The following SDK2 variants were observed in gnomAD, a reference collection of about 807,000 sequenced individuals.
SDK2 encodes the protein protein sidekick-2.
In SDK2, 105 loss-of-function variants were observed where a neutral mutation model predicts 253.9. That is an observed-to-expected ratio of 0.41 (90% CI 0.35 to 0.49). The LOEUF is 0.49. Among genes scored for constraint, SDK2 ranks in the 20% least tolerant of loss-of-function variants. The pLI is 0.06. For synonymous variants in SDK2, 1,249 were observed against 1,234.9 expected, an observed-to-expected ratio of 1.01 and a Z score of -0.24; for missense variants, 2,608 against 3,003.0, an observed-to-expected ratio of 0.87 and a Z score of 3.07.
intron 40 of SDK2, 150 bp downstream of exon 40, chr17:73,357,929 C>T (rs2062605780): frequency 2.4e-6 from 3 of 1,225,634 alleles, no homozygotes; most frequent in Non-Finnish European, 3.6e-6. Context: ...AACCCAGTTT[C>T]CCACTCCTCA....
chr17:73,635,337 C>G (rs888695317), intron 1 of SDK2, among the ~76,000 whole-genome samples: 2 of 152,150 alleles, frequency 1.3e-5, no homozygotes, highest in African/African-American at 4.8e-5. Context: ...GCCCCTGCTG[C>G]CACTTTCTGC....
intron 44 of SDK2, among the ~76,000 whole-genome samples, chr17:73,347,666 C>T (rs1042067152): frequency 7.2e-5 from 11 of 152,148 alleles, no homozygotes; most frequent in Admixed American, 3.3e-4. Context: ...AGGTCCAGGG[C>T]GTGGGATGCA....
rs1193505770 is a variant in SDK2, at chr17:73,435,106, A to C, written c.1195+344T>G. On this transcript the variant is annotated intron_variant, in intron 9 of 44. Coordinates refer to ENST00000392650, the MANE Select transcript of SDK2 (RefSeq NM_001144952.2). The surrounding 1 kb of genome is among the most constrained non-coding windows in gnomAD (Gnocchi z 5.7). ...AGGTCTTCTGGAATGGGGTTACTCC[A>C]GCCCTGCCTGGGAACCCAGGGATAG... Among the ~76,000 whole-genome samples, 1 of 152,182 alleles carries C rather than the reference A, an allele frequency of 6.6e-6. No homozygotes were observed. The highest frequency in any genetic ancestry group is 1.5e-5 in the Non-Finnish European group (1 of 68,024).
Position 73,352,552 on chromosome 17 carries a change from G to A in SDK2, c.5679C>T (p.Gly1893=), listed in dbSNP as rs573974183. The change falls in exon 41 of 45, where the codon GGC becomes GGT. Residue 1893 remains glycine, a synonymous_variant. Coordinates refer to ENST00000392650, the MANE Select transcript of SDK2 (RefSeq NM_001144952.2). This position sits in a 1 kb window ranked among gnomAD's most constrained non-coding sequence, Gnocchi z 4.1. ...YTFSMDILKP[G]VSYDFRVIAV... ...CGATGACCCGGAAGTCATAGCTCAC[G>A]CCCGGCTTCAGGATGTCCATGCTGA... 4.3e-6 allele frequency: 7 copies of A among 1,613,910 alleles called. No individual in the cohort carries two copies. Among genetic ancestry groups the A allele is most frequent in the East Asian group, 2.2e-5 (1 of 44,894 alleles).
At chr17:73,405,097 C>T (rs969942504) in intron 18 of SDK2, among the ~76,000 whole-genome samples, 4 of 126,818 alleles carry the variant, frequency 3.2e-5, no homozygotes, top group African/African-American at 1.2e-4. Context: ...CAGTACTCTA[C>T]AGGGTTGAAG....
intron 1 of SDK2, among the ~76,000 whole-genome samples, chr17:73,583,802 G>T (rs1050977537): frequency 2.0e-5 from 3 of 152,196 alleles, no homozygotes. Context: ...TCCAGATGAA[G>T]GGTCCAGGGG....
At chr17:73,444,850 G>T (rs58107018) in intron 5 of SDK2, among the ~76,000 whole-genome samples, 5,119 of 152,254 alleles carry the variant, frequency 0.034, 309 homozygotes, top group African/African-American at 0.12. Context: ...TTCTCCAGCT[G>T]CCCAGGAGCC....
chr17:73,474,733 T>A (rs2063674115), intron 2 of SDK2, among the ~76,000 whole-genome samples: 1 of 152,090 alleles, frequency 6.6e-6, no homozygotes, highest in African/African-American at 2.4e-5. Flanking sequence ...GGGAGGCCAC[T>A]GTGGGGGAAC....
chr17:73,454,614 G>T (rs1313032264), intron 4 of SDK2, among the ~76,000 whole-genome samples: 1 of 151,846 alleles, frequency 6.6e-6, no homozygotes, highest in Non-Finnish European at 1.5e-5. Flanking sequence ...TGTCCGGAAA[G>T]AGAGGGGATG....
chr17:73,479,494 A>G (rs2063708230), intron 2 of SDK2, among the ~76,000 whole-genome samples: 2 of 152,258 alleles, frequency 1.3e-5, no homozygotes, highest in Non-Finnish European at 2.9e-5. Context: ...GCTTTTGCAA[A>G]GATTCTTCAG....
At position 73,339,216 on chromosome 17, in the gene SDK2, T is replaced by TTTTTTG. The variant is rs1568356172; in HGVS notation, c.6166-277_6166-276insCAAAAA. On this transcript the variant is annotated intron_variant, in intron 44 of 44. Transcript: ENST00000392650. ...CTGATAGAATCAGAAGACCTGAGTT[T>TTTTTTG]TTTTTTGTTTTTGTTTTTGTTTTTT... Among the ~76,000 whole-genome samples the TTTTTTG allele has an allele frequency of 9.5e-5, 14 of 148,066 alleles. 2 individuals carry two copies. Among genetic ancestry groups the TTTTTTG allele is most frequent in the Admixed American group, 1.4e-4 (2 of 14,752 alleles).
At chr17:73,591,291 C>T (rs1340861289) in intron 1 of SDK2, among the ~76,000 whole-genome samples, 1 of 152,144 alleles carries the variant, frequency 6.6e-6, no homozygotes, top group Non-Finnish European at 1.5e-5. Flanking sequence ...GATGTAAGCC[C>T]CTAATAAAAC....
intron 6 of SDK2, among the ~76,000 whole-genome samples, chr17:73,438,784 C>G (rs528243501): frequency 1.2e-4 from 18 of 152,074 alleles, no homozygotes; most frequent in Non-Finnish European, 2.5e-4. Context: ...CTGTTTAGCA[C>G]CTGGTGGGTC....
chr17:73,603,265 G>A (rs1431221424), intron 1 of SDK2, among the ~76,000 whole-genome samples: 1 of 152,234 alleles, frequency 6.6e-6, no homozygotes, highest in African/African-American at 2.4e-5. Context: ...TGAGGGGTTA[G>A]CAGATCAGTG....
At chr17:73,577,976 C>T (rs947757821) in intron 1 of SDK2, among the ~76,000 whole-genome samples, 1 of 151,742 alleles carries the variant, frequency 6.6e-6, no homozygotes, top group Non-Finnish European at 1.5e-5. Flanking sequence ...GTCAGAACGA[C>T]GTGGCAGGAG....
Position 73,423,541 on chromosome 17 carries a change from G to T in SDK2, c.1761-19C>A. 1 of 1,531,056 alleles carries T rather than the reference G, an allele frequency of 6.5e-7. No individual in the cohort carries two copies. The highest frequency in any genetic ancestry group is 8.8e-7 in the Non-Finnish European group (1 of 1,133,850). 94.8% of individuals were successfully genotyped at this position (1,531,056 alleles called of 1,614,324 possible). On this transcript the variant is annotated intron_variant, in intron 13 of 44. Coordinates refer to ENST00000392650, the MANE Select transcript of SDK2 (RefSeq NM_001144952.2). ...CAGTTGCCTGGAAAAGAGACACGTG[G>T]TCAGGCATCCCTATGTGGTCTGCAG... is the stretch of plus-strand genomic sequence containing the variant.
chr17:73,392,969 G>A (rs1378510944), intron 27 of SDK2, among the ~76,000 whole-genome samples: 1 of 152,100 alleles, frequency 6.6e-6, no homozygotes, highest in Non-Finnish European at 1.5e-5. Flanking sequence ...AACTGGCCGG[G>A]TGCAGTGGCT....
intron 18 of SDK2, among the ~76,000 whole-genome samples, chr17:73,405,221 T>TTA (rs2063061494): frequency 7.7e-6 from 1 of 129,998 alleles, no homozygotes; most frequent in Non-Finnish European, 1.6e-5. Flanking sequence ...TGTGGGTGAA[T>TTA]CACGAGGTCA....
At chr17:73,538,517 A>AGG (rs1047776374) in intron 1 of SDK2, among the ~76,000 whole-genome samples, 1 of 152,194 alleles carries the variant, frequency 6.6e-6, no homozygotes, top group Non-Finnish European at 1.5e-5. Flanking sequence ...CTCTTTCAAT[A>AGG]AATACAAAAA....
Sources: gnomAD v4.1 joint callset for allele counts (sites outside exome capture counted in the v4.1 genomes callset) on GRCh38, gnomAD v4.1.1 for gene constraint, Gnocchi (gnomAD v3.1) non-coding constraint, MANE v1.5 for transcripts, NCBI Gene and HGNC (gene_info 2026-07-23, HGNC 2026-07-21) for gene names.